Variants in ASXL3 observed in about 807,000 individuals in gnomAD.
ASXL3 encodes putative Polycomb group protein ASXL3.
ASXL3 carries 34 observed loss-of-function variants against 170.6 expected under a neutral mutation model. The observed-to-expected ratio is 0.20, with a 90% CI of 0.15 to 0.27. The LOEUF (loss-of-function observed/expected upper bound fraction) is 0.27, where lower values mean the gene tolerates loss of function less well. Among genes scored for constraint, ASXL3 ranks in the 10% least tolerant of loss-of-function variants. ASXL3 has a pLI of 1.00. For synonymous variants in ASXL3, 1,002 were observed against 989.1 expected, an observed-to-expected ratio of 1.01 and a Z score of -0.24; for missense variants, 2,592 against 2,695.3, an observed-to-expected ratio of 0.96 and a Z score of 0.85.
Position 33,749,360 on chromosome 18 carries a change from A to G in ASXL3, c.*2765A>G, listed in dbSNP as rs2067848696. 6.6e-6 allele frequency: 1 copy of G among 152,078 alleles called. No homozygotes were observed. The highest frequency in any genetic ancestry group is 1.5e-5 in the Non-Finnish European group (1 of 68,006). The allele number at this position is 152,078 out of a possible 1,614,324, so 9.4% of individuals were successfully genotyped here. A position where few individuals can be genotyped will look rare whatever the true frequency, so the allele number is the denominator to read the frequency against. On this transcript the variant is annotated 3_prime_UTR_variant, in exon 12 of 12. Coordinates refer to ENST00000269197, the MANE Select transcript of ASXL3 (RefSeq NM_030632.3). Reference sequence around the variant, plus strand: ...ATGGTTATTGTGGTGTAGTGTGCAAATGTTAGCATGTGCATTATCCTGATT... The same window carrying G: ...ATGGTTATTGTGGTGTAGTGTGCAAGTGTTAGCATGTGCATTATCCTGATT...
At chr18:33,724,081 GACTT>G (rs1490910309) in intron 8 of ASXL3, among the ~76,000 whole-genome samples, 4 of 152,080 alleles carry the variant, frequency 2.6e-5, no homozygotes, top group Non-Finnish European at 4.4e-5. Context: ...ACGTTTATGT[GACTT>G]ACTTTTTTGC....
chr18:33,668,615 T>G (rs2066295328), intron 5 of ASXL3, among the ~76,000 whole-genome samples: 1 of 152,130 alleles, frequency 6.6e-6, no homozygotes, highest in African/African-American at 2.4e-5. Flanking sequence ...GTCACCTTCC[T>G]TTATCCTTGC....
rs988659909 is a variant in ASXL3 at position 33,748,321 on chromosome 18, C to G, written c.*1726C>G. On this transcript the variant is annotated 3_prime_UTR_variant, in exon 12 of 12. Transcript: ENST00000269197. The stretch of plus-strand genomic sequence containing the variant: ...CCAACTATATAATATGTTTTTTTCT[C>G]CGTATTTATTGTGATGTTGCCAAAT... The G allele has an allele frequency of 6.6e-5, 10 of 151,848 alleles. No individual in the cohort carries two copies. The highest frequency in any genetic ancestry group is 2.4e-4 in the African/African-American group (10 of 41,352). The allele number at this position is 151,848 out of a possible 1,614,324, so 9.4% of individuals were successfully genotyped here.
chr18:33,622,475 A>G (rs1476214954), intron 2 of ASXL3, among the ~76,000 whole-genome samples: 1 of 152,190 alleles, frequency 6.6e-6, no homozygotes, highest in African/African-American at 2.4e-5. Context: ...ACTTTATAGC[A>G]CAATCTATTC....
At chr18:33,692,207 T>A (rs1243618636) in intron 8 of ASXL3, among the ~76,000 whole-genome samples, 3 of 152,294 alleles carry the variant, frequency 2.0e-5, no homozygotes, top group South Asian at 2.1e-4. Flanking sequence ...CAGCATTTTT[T>A]AAAAAGGCTT....
intron 1 of ASXL3, among the ~76,000 whole-genome samples, chr18:33,581,760 A>T (rs1030330107): frequency 1.3e-5 from 2 of 152,194 alleles, no homozygotes; most frequent in African/African-American, 4.8e-5. Context: ...TTAGATACAG[A>T]TGCAGCTATC....
intron 2 of ASXL3, among the ~76,000 whole-genome samples, chr18:33,632,682 C>T (rs1455107968): frequency 6.6e-6 from 1 of 152,096 alleles, no homozygotes; most frequent in Non-Finnish European, 1.5e-5. Context: ...TTTGTCTTTG[C>T]ATGTATTTCT....
rs917933758 is a variant in ASXL3 at position 33,748,575 on chromosome 18, C to A, written c.*1980C>A. 3 of 152,166 alleles carry A rather than the reference C, an allele frequency of 2.0e-5. No homozygotes were observed. The highest frequency in any genetic ancestry group is 7.2e-5 in the African/African-American group (3 of 41,436). 9.4% of individuals were successfully genotyped at this position (152,166 alleles called of 1,614,324 possible). A position where few individuals can be genotyped will look rare whatever the true frequency, so the allele number is the denominator to read the frequency against. ...TTACCCGAGGAAAGCAGCATAAGTT[C>A]CAGTGGATCCTTAGTTTTCTCTTCA... On this transcript the variant is annotated 3_prime_UTR_variant, in exon 12 of 12. Transcript: ENST00000269197.
At chr18:33,644,833 C>A in intron 2 of ASXL3, 61 bp from the exon 3 acceptor site, 2 of 1,025,460 alleles carry the variant, frequency 2.0e-6, no homozygotes, top group South Asian at 1.9e-5. Flanking sequence ...ACTCAGAGAA[C>A]AGTTTTGCAA....
chr18:33,613,300 C>G (rs1242290182), intron 2 of ASXL3, among the ~76,000 whole-genome samples: 1 of 152,046 alleles, frequency 6.6e-6, no homozygotes, highest in African/African-American at 2.4e-5. Context: ...ATACTTATTC[C>G]TTACCTTACC....
At chr18:33,615,184 C>G (rs1272200170) in intron 2 of ASXL3, among the ~76,000 whole-genome samples, 2 of 152,140 alleles carry the variant, frequency 1.3e-5, no homozygotes, top group Non-Finnish European at 2.9e-5. Context: ...TGTCAATGAT[C>G]TTAGCGAGAT....
chr18:33,750,566 CAA>C lies in ASXL3; in HGVS notation c.*3972_*3973del, dbSNP rs1229513833. The C allele has an allele frequency of 5.1e-5, 5 of 97,764 alleles. No homozygotes were observed. The East Asian group carries it at 2.7e-3, about 53-fold the overall frequency. 6.1% of individuals were successfully genotyped at this position (97,764 alleles called of 1,614,324 possible). ...TTTTTTTAATGTGTGTTCGTTTGTA[CAA>C]TTTTTTTTTTTTGGTCAGTATTCTG... On this transcript the variant is annotated 3_prime_UTR_variant, in exon 12 of 12. Coordinates refer to ENST00000269197, the MANE Select transcript of ASXL3 (RefSeq NM_030632.3).
At chr18:33,736,558 G>A (rs1375863934) in intron 10 of ASXL3, among the ~76,000 whole-genome samples, 1 of 151,784 alleles carries the variant, frequency 6.6e-6, no homozygotes, top group Non-Finnish European at 1.5e-5. Flanking sequence ...ATTGCTGTAC[G>A]CTTTTTCAAA....
At chr18:33,627,141 T>C (rs969622217) in intron 2 of ASXL3, 1 of 152,086 alleles carries the variant, frequency 6.6e-6, no homozygotes, top group African/African-American at 2.4e-5. Flanking sequence ...CCCATAAGAG[T>C]CACTCATTCC....
chr18:33,693,578 G>A (rs534241827), intron 8 of ASXL3, among the ~76,000 whole-genome samples: 15 of 152,270 alleles, frequency 9.9e-5, no homozygotes, highest in Non-Finnish European at 1.9e-4. Context: ...TTTCAGGAGA[G>A]TAAAAAGGCC....
At chr18:33,625,262 T>C (rs1461260971) in intron 2 of ASXL3, among the ~76,000 whole-genome samples, 1 of 152,168 alleles carries the variant, frequency 6.6e-6, no homozygotes, top group Non-Finnish European at 1.5e-5. Flanking sequence ...TCCTAGATCA[T>C]AGTGGCCATC....
intron 1 of ASXL3, among the ~76,000 whole-genome samples, chr18:33,579,869 G>A (rs1180491892): frequency 6.6e-6 from 1 of 152,126 alleles, no homozygotes; most frequent in Non-Finnish European, 1.5e-5. Flanking sequence ...TGTAAAGATT[G>A]TTTTACTGTA....
chr18:33,667,434 T>C (rs1340813243), intron 5 of ASXL3, among the ~76,000 whole-genome samples: 2 of 152,222 alleles, frequency 1.3e-5, no homozygotes, highest in African/African-American at 4.8e-5. Flanking sequence ...ATCTAATTTA[T>C]AAAGCCTTGG....
chr18:33,581,881 G>T (rs553047936), intron 1 of ASXL3, among the ~76,000 whole-genome samples: 1 of 152,322 alleles, frequency 6.6e-6, no homozygotes, highest in South Asian at 2.1e-4. Context: ...CAGGAATGCA[G>T]TGATTATTAA....
Sources: allele counts gnomAD v4.1 joint callset (sites outside exome capture counted in the v4.1 genomes callset), GRCh38; gene constraint gnomAD v4.1.1; transcripts MANE v1.5; gene names NCBI Gene and HGNC (gene_info 2026-07-23, HGNC 2026-07-21).